Variants in NFIC observed in about 807,000 individuals in gnomAD.
NFIC encodes nuclear factor 1 C-type.
A neutral mutation model predicts 54.4 loss-of-function variants in NFIC; 12 were observed. That is an observed-to-expected ratio of 0.22 (90% CI 0.14 to 0.36). The LOEUF (loss-of-function observed/expected upper bound fraction) is 0.36, where lower values mean the gene tolerates loss of function less well. Among genes scored for constraint, NFIC ranks in the 10% least tolerant of loss-of-function variants. The probability of loss-of-function intolerance (pLI) is 1.00; values close to 1 mark genes in which losing one functional copy is unlikely to be tolerated. For synonymous variants in NFIC, 322 were observed against 319.2 expected (o/e 1.01, Z -0.09); for missense variants, 575 against 718.2 (o/e 0.80, Z 2.28).
intron 3 of NFIC, among the ~76,000 whole-genome samples, chr19:3,427,813 CAAAAA>C (rs35768795): frequency 1.3e-5 from 1 of 76,834 alleles, no homozygotes. Flanking sequence ...GAGACTCTGT[CAAAAA>C]AAAAAAAAAA....
chr19:3,456,214 C>CG (rs2082552279), intron 9 of NFIC, among the ~76,000 whole-genome samples: 2 of 152,354 alleles, frequency 1.3e-5, no homozygotes, highest in East Asian at 3.9e-4. Flanking sequence ...GTGGCAGGAC[C>CG]GGGCGGGCGC....
chr19:3,420,730 C>CTT (rs201736776), intron 2 of NFIC, among the ~76,000 whole-genome samples: 1 of 145,588 alleles, frequency 6.9e-6, no homozygotes, highest in Non-Finnish European at 1.5e-5. Flanking sequence ...CATTCATCAC[C>CTT]TTTTTTTTTT....
intron 6 of NFIC, among the ~76,000 whole-genome samples, chr19:3,446,302 C>A (rs1196282651): frequency 6.6e-6 from 1 of 152,268 alleles, no homozygotes; most frequent in East Asian, 1.9e-4. Context: ...CCATGGGATC[C>A]CCTAACCCAG....
chr19:3,433,428 C>A, intron 3 of NFIC, 90 bp from the exon 4 acceptor site: 1 of 1,411,004 alleles, frequency 7.1e-7, no homozygotes, highest in Non-Finnish European at 9.9e-7. Flanking sequence ...CAGGCTCGGG[C>A]CAGCCCCCAG....
intron 3 of NFIC, among the ~76,000 whole-genome samples, chr19:3,425,402 A>G (rs6510750): frequency 0.84 from 128,292 of 151,944 alleles, 54,285 homozygotes; most frequent in East Asian, 0.93. Flanking sequence ...GGGAGACCCC[A>G]GAGGGTTCTA....
intron 2 of NFIC, among the ~76,000 whole-genome samples, chr19:3,414,656 A>G (rs1456914705): frequency 6.6e-6 from 1 of 150,832 alleles, no homozygotes; most frequent in Non-Finnish European, 1.5e-5. Context: ...AATAAGGAAA[A>G]GACCATACTT....
intron 10 of NFIC, among the ~76,000 whole-genome samples, chr19:3,457,316 C>G (rs1052639316): frequency 7.2e-5 from 11 of 152,302 alleles, no homozygotes; most frequent in African/African-American, 2.6e-4. Flanking sequence ...CCCTAGAAGG[C>G]AGGCAGGCAG....
Position 3,387,050 on chromosome 19 carries a change from C to G in NFIC, c.562+4807C>G, listed in dbSNP as rs75718119. The stretch of plus-strand genomic sequence containing the variant: ...CCAGAGTGCAGTGTCTGGCTTTCAT[C>G]AGCCCTGCTGGGCAGCTGAGGCCCT... On this transcript the variant is annotated intron_variant, in intron 2 of 10. Coordinates refer to ENST00000443272, the MANE Select transcript of NFIC (RefSeq NM_001245002.2). Among the ~76,000 whole-genome samples the G allele has an allele frequency of 3.8e-3, 586 of 152,310 alleles. 1 individual carries two copies. The highest frequency in any genetic ancestry group is 6.2e-3 in the Non-Finnish European group (423 of 68,004).
At chr19:3,397,237 C>A (rs1190539253) in intron 2 of NFIC, among the ~76,000 whole-genome samples, 3 of 152,130 alleles carry the variant, frequency 2.0e-5, no homozygotes, top group African/African-American at 7.2e-5. Flanking sequence ...GGCCTAAGGT[C>A]ACATAGCTAA....
rs1022063907 is a variant in NFIC at position 3,458,396 on chromosome 19, C to T, written c.1509+1761C>T. ...AGCTGCGGTGGGAGGAGGCCCAGCC[C>T]GCTTAACCCTTCCCCAGCCTCTGCC... On this transcript the variant is annotated intron_variant, in intron 10 of 10. Transcript: ENST00000443272. The surrounding 1 kb of genome is among the most constrained non-coding windows in gnomAD (Gnocchi z 4.1). Among the ~76,000 whole-genome samples the T allele has an allele frequency of 1.3e-5, 2 of 152,128 alleles. No homozygotes were observed. The highest frequency in any genetic ancestry group is 2.4e-5 in the African/African-American group (1 of 41,436).
At chr19:3,440,060 A>G (rs559556614) in intron 6 of NFIC, among the ~76,000 whole-genome samples, 1 of 152,178 alleles carries the variant, frequency 6.6e-6, no homozygotes, top group South Asian at 2.1e-4. Flanking sequence ...GGGGCGTGAG[A>G]GCCGGGTTTA....
upstream of NFIC, among the ~76,000 whole-genome samples, chr19:3,362,026 G>C (rs565914935): frequency 2.0e-5 from 3 of 152,122 alleles, no homozygotes; most frequent in South Asian, 6.2e-4. Context: ...CCGCACTTGC[G>C]GGGGGATAGA....
chr19:3,433,662 C>G, intron 4 of NFIC, 70 bp downstream of exon 4: 1 of 1,487,844 alleles, frequency 6.7e-7, no homozygotes, highest in Non-Finnish European at 9.3e-7. Context: ...AAGGAGCCCA[C>G]CCCCCTCACC....
intron 6 of NFIC, among the ~76,000 whole-genome samples, chr19:3,447,822 G>A (rs890780863): frequency 4.6e-5 from 7 of 152,242 alleles, no homozygotes; most frequent in African/African-American, 1.7e-4. Context: ...TTTCCAGGGG[G>A]TGCCTGGAGG....
intron 2 of NFIC, among the ~76,000 whole-genome samples, chr19:3,399,235 C>T (rs542620360): frequency 2.6e-5 from 4 of 152,324 alleles, no homozygotes; most frequent in East Asian, 1.9e-4. Flanking sequence ...TATAAAATAG[C>T]GCCTGCTCTG....
At chr19:3,448,397 C>CT (rs779723067) in intron 6 of NFIC, among the ~76,000 whole-genome samples, 2 of 152,126 alleles carry the variant, frequency 1.3e-5, no homozygotes, top group African/African-American at 2.4e-5. Flanking sequence ...CATTGATTCA[C>CT]TGAGGAAGGT....
upstream of NFIC, among the ~76,000 whole-genome samples, chr19:3,361,737 C>A (rs900565375): frequency 6.6e-6 from 1 of 152,118 alleles, no homozygotes. Flanking sequence ...TATCTCCCTC[C>A]GCACTCCCGG....
At chr19:3,407,975 C>T (rs2145559948) in intron 2 of NFIC, among the ~76,000 whole-genome samples, 1 of 152,246 alleles carries the variant, frequency 6.6e-6, no homozygotes, top group East Asian at 1.9e-4. Context: ...AAAGTTGAAC[C>T]TTCGCCGGGT....
intron 2 of NFIC, among the ~76,000 whole-genome samples, chr19:3,407,231 A>G (rs2081666445): frequency 6.6e-6 from 1 of 151,236 alleles, no homozygotes; most frequent in South Asian, 2.1e-4. Context: ...CTCCTGCCTC[A>G]GCCTCCCGAG....
Sources: allele counts gnomAD v4.1 joint callset (sites outside exome capture counted in the v4.1 genomes callset), GRCh38; gene constraint gnomAD v4.1.1; non-coding constraint Gnocchi (gnomAD v3.1); transcripts MANE v1.5; gene names NCBI Gene and HGNC (gene_info 2026-07-23, HGNC 2026-07-21).